The following STARD3 variants were observed in gnomAD, a reference collection of about 807,000 sequenced individuals.
STARD3 encodes the protein stAR-related lipid transfer protein 3.
In STARD3, 39 loss-of-function variants were observed where a neutral mutation model predicts 62.0. That is an observed-to-expected ratio of 0.63 (90% confidence interval 0.49 to 0.82). STARD3 has a LOEUF of 0.82. Ranked by LOEUF, STARD3 falls within the 40% of genes least tolerant of loss-of-function variation. STARD3 has a pLI of 0.00. For missense variants in STARD3, 543 were observed against 584.5 expected, an observed-to-expected ratio of 0.93 and a Z score of 0.73; for synonymous variants, 229 against 242.4, an observed-to-expected ratio of 0.94 and a Z score of 0.51.
intron 2 of STARD3, among the ~76,000 whole-genome samples, chr17:39,656,053 G>C (rs1432168206): frequency 1.3e-5 from 2 of 152,068 alleles, no homozygotes; most frequent in African/African-American, 4.8e-5. Context: ...CTCACCGGCA[G>C]CCAGAGGAGA....
Position 39,660,491 on chromosome 17 carries a change from A to T in STARD3, c.919A>T (p.Met307Leu). 6.2e-7 allele frequency: 1 copy of T among 1,613,756 alleles called. No individual in the cohort carries two copies. The highest frequency in any genetic ancestry group is 2.2e-5 in the East Asian group (1 of 44,858). ...GGAGGTGATCCTGCAGCCCGAGAGG[A>T]TGGTGCTGTGGAACAAGACAGTGAC... Reference protein sequence around the residue: ...YQEVILQPERMVLWNKTVTAC... With the variant: ...YQEVILQPERLVLWNKTVTAC... The change falls in exon 11 of 15, where the codon ATG becomes TTG. Residue 307 changes from methionine (M) to leucine (L), a missense_variant. Met to Leu is a conservative substitution (Grantham distance 15, BLOSUM62 2). Transcript: ENST00000336308. This position sits in a 1 kb window ranked among gnomAD's most constrained non-coding sequence, Gnocchi z 4.8.
At chr17:39,661,473 C>T (rs755621796) in intron 13 of STARD3, among the ~76,000 whole-genome samples, 3 of 152,180 alleles carry the variant, frequency 2.0e-5, no homozygotes, top group Non-Finnish European at 2.9e-5. Context: ...GGTCCCCTTT[C>T]GTCCTCCTCA....
chr17:39,655,439 C>T (rs541081632), intron 2 of STARD3, among the ~76,000 whole-genome samples: 19 of 152,234 alleles, frequency 1.2e-4, no homozygotes, highest in African/African-American at 4.6e-4. Flanking sequence ...CCATCTCGGC[C>T]TCTCACAGTG....
At chr17:39,658,352 G>A (rs572607147) in intron 5 of STARD3, 53 bp from the exon 6 acceptor site, 47 of 1,534,022 alleles carry the variant, frequency 3.1e-5, no homozygotes, top group Middle Eastern at 3.4e-4. Flanking sequence ...ACAGAAGGGG[G>A]CTCTGGGTTT....
intron 3 of STARD3, 52 bp from the exon 4 acceptor site, chr17:39,657,723 A>G (rs2057144864): frequency 4.4e-6 from 7 of 1,605,870 alleles, no homozygotes; most frequent in Non-Finnish European, 6.0e-6. Flanking sequence ...AGCCTGCAGC[A>G]GGGTGGGGGG....
At position 39,657,820 on chromosome 17, in the gene STARD3, G is replaced by A. The variant is rs771996903; in HGVS notation, c.343G>A (p.Val115Met). 20 of 1,614,078 alleles carry A rather than the reference G, an allele frequency of 1.2e-5. No homozygotes were observed. Among genetic ancestry groups the A allele is most frequent in the Non-Finnish European group, 1.4e-5 (17 of 1,180,042 alleles). The change falls in exon 4 of 15, where the codon GTG becomes ATG. Residue 115 changes from valine to methionine, a missense_variant. By Grantham distance (21) the Val-to-Met change is conservative. Transcript: ENST00000336308. ...CTCTGGACTGCTCCTAGGCTATGCC[G>A]TGCTGCGGCTCCGGCACTGGTGGGT... Reference protein sequence around the residue: ...RFSGLLLGYAVLRLRHWWVIA... With the variant: ...RFSGLLLGYAMLRLRHWWVIA...
chr17:39,656,956 G>C (rs1476725552), intron 2 of STARD3, 52 bp from the exon 3 acceptor site: 1 of 1,590,800 alleles, frequency 6.3e-7, no homozygotes, highest in Admixed American at 1.7e-5. Context: ...GTGAGGGGCA[G>C]CCCCAGGCCC....
At position 39,662,897 on chromosome 17, in the gene STARD3, G is replaced by GC; in HGVS notation, c.1330dup (p.Arg444ProfsTer53). 2 of 1,611,472 alleles carry GC rather than the reference G, an allele frequency of 1.2e-6. No individual in the cohort carries two copies. Among genetic ancestry groups the GC allele is most frequent in the Non-Finnish European group, 1.7e-6 (2 of 1,179,174 alleles). Reference sequence around the variant, plus strand: ...GCGACAGCGCATCAGCGAGCTGGGGGCCCGGGCGTGACTGTGCCCCCTCCC... The same window carrying GC: ...GCGACAGCGCATCAGCGAGCTGGGGGCCCCGGGCGTGACTGTGCCCCCTCCC... On this transcript the variant is annotated frameshift_variant, in exon 15 of 15. Transcript: ENST00000336308. LOFTEE classifies it high-confidence loss of function.
chr17:39,648,917 G>A (rs1028832938), intron 1 of STARD3, among the ~76,000 whole-genome samples: 2 of 152,186 alleles, frequency 1.3e-5, no homozygotes, highest in Non-Finnish European at 2.9e-5. Flanking sequence ...TCCCCAAGGA[G>A]AGAGAAAGTC....
Position 39,660,259 on chromosome 17 carries a change from A to T in STARD3, c.844A>T (p.Thr282Ser), listed in dbSNP as rs773438356. The change falls in exon 10 of 15, where the codon ACG becomes TCG. Residue 282 changes from threonine to serine, a missense_variant. Coordinates refer to ENST00000336308, the MANE Select transcript of STARD3 (RefSeq NM_006804.4). This position sits in a 1 kb window ranked among gnomAD's most constrained non-coding sequence, Gnocchi z 4.8. The stretch of plus-strand genomic sequence containing the variant: ...CATTGAAGTTCCCTTTCACGGCAAG[A>T]CGTTTATCCTGAAGGTGAGTGAGGG... ...YTIEVPFHGK[T>S]FILKTFLPCP... 6.2e-7 allele frequency: 1 copy of T among 1,613,888 alleles called. No individual in the cohort carries two copies. The highest frequency in any genetic ancestry group is 8.5e-7 in the Non-Finnish European group (1 of 1,180,032).
intron 1 of STARD3, among the ~76,000 whole-genome samples, chr17:39,645,660 C>T (rs544720461): frequency 8.5e-5 from 13 of 152,114 alleles, no homozygotes; most frequent in African/African-American, 2.9e-4. Context: ...TTAGTAGAGA[C>T]GAGGTTTCAG....
intron 1 of STARD3, among the ~76,000 whole-genome samples, chr17:39,640,676 G>A (rs1409354031): frequency 6.6e-6 from 1 of 150,924 alleles, no homozygotes; most frequent in African/African-American, 2.4e-5. Flanking sequence ...CACTGGCCCT[G>A]AGTGGGTCAG....
At chr17:39,652,679 CAGAG>C (rs1156769220) in intron 1 of STARD3, 1 of 152,734 alleles carries the variant, frequency 6.5e-6, no homozygotes, top group Non-Finnish European at 1.5e-5. Flanking sequence ...GGCAGCAAGA[CAGAG>C]AGAAGGGCTG....
At chr17:39,655,426 C>T (rs939631439) in intron 2 of STARD3, among the ~76,000 whole-genome samples, 1 of 151,986 alleles carries the variant, frequency 6.6e-6, no homozygotes, top group African/African-American at 2.4e-5. Flanking sequence ...TCAAGTGATC[C>T]TCCCATCTCG....
intron 7 of STARD3, 70 bp from the exon 8 acceptor site, chr17:39,658,981 C>G (rs2057163749): frequency 6.2e-7 from 1 of 1,601,884 alleles, no homozygotes; most frequent in Admixed American, 1.7e-5. Context: ...ACTCACATAC[C>G]CGAACCCCAC....
intron 1 of STARD3, 160 bp from the exon 2 acceptor site, chr17:39,653,321 G>T (rs1248261630): frequency 3.3e-6 from 2 of 606,334 alleles, no homozygotes; most frequent in Non-Finnish European, 5.8e-6. Context: ...TGCAGCCTGG[G>T]AGCCAGGCTG....
intron 1 of STARD3, among the ~76,000 whole-genome samples, chr17:39,638,762 C>G (rs990768176): frequency 1.3e-5 from 2 of 152,200 alleles, no homozygotes; most frequent in African/African-American, 4.8e-5. Flanking sequence ...GTAGGAATGT[C>G]TCTACTTCAT....
chr17:39,640,500 TC>T (rs1342243405), intron 1 of STARD3, among the ~76,000 whole-genome samples: 2 of 150,798 alleles, frequency 1.3e-5, no homozygotes, highest in African/African-American at 4.9e-5. Context: ...CCGGCTCCCT[TC>T]CATCCCCCCA....
chr17:39,646,968 G>A (rs1427710475), intron 1 of STARD3, among the ~76,000 whole-genome samples: 6 of 152,060 alleles, frequency 3.9e-5, no homozygotes, highest in African/African-American at 1.4e-4. Context: ...TTGGGAGGCC[G>A]AGGTGGGCGG....
Sources: gnomAD v4.1 joint callset for allele counts (sites outside exome capture counted in the v4.1 genomes callset) on GRCh38, gnomAD v4.1.1 for gene constraint, Gnocchi (gnomAD v3.1) non-coding constraint, MANE v1.5 for transcripts, NCBI Gene and HGNC (gene_info 2026-07-23, HGNC 2026-07-21) for gene names.